CCDC33: variants seen among roughly 807,000 people sequenced by gnomAD.
The protein encoded by CCDC33 is coiled-coil domain containing 33.
CCDC33 carries 94 observed loss-of-function variants against 91.9 expected under a neutral mutation model. That is an observed-to-expected ratio of 1.02 (90% CI 0.87 to 1.21). The LOEUF is 1.21. Ranked by LOEUF, CCDC33 falls within the 50% of genes most tolerant of loss-of-function variation. The probability of loss-of-function intolerance (pLI) is 0.00; values close to 1 mark genes in which losing one functional copy is unlikely to be tolerated. For missense variants in CCDC33, 940 were observed against 935.5 expected (o/e 1.00, Z -0.06); for synonymous variants, 396 against 374.5 (o/e 1.06, Z -0.66).
Position 74,335,044 on chromosome 15 carries a change from A to G in CCDC33, c.2095A>G (p.Lys699Glu), listed in dbSNP as rs750062932. ...GGCCACACGGCTGCAGGAGCAAGAA[A>G]AAGGTTTCAGGCACCCCTCGAACTC... ...DLATRLQEQE[K>E]GFRHPSNSII... is the part of the protein sequence containing the mutation. The change falls in exon 18 of 19, where the codon AAA (lysine) becomes GAA (glutamate). Residue 699 changes from lysine to glutamate, a missense_variant. Coordinates refer to ENST00000398814, the MANE Select transcript of CCDC33 (RefSeq NM_025055.5). The G allele has an allele frequency of 6.2e-5, 100 of 1,613,970 alleles. No individual in the cohort carries two copies. In the South Asian group the frequency reaches 1.1e-3, roughly 18 times the overall value.
Position 74,272,866 on chromosome 15 carries a change from G to T in CCDC33, c.734G>T (p.Arg245Leu), listed in dbSNP as rs191781870. ...IPSMMNFDVPRVSQNGCPQLS... is the reference protein window; with the variant it reads ...IPSMMNFDVPLVSQNGCPQLS... Reference sequence around the variant, plus strand: ...TCCATGATGAACTTTGACGTGCCTCGCGTCAGCCAGAACGGATGCCCTCAG... The same window carrying T: ...TCCATGATGAACTTTGACGTGCCTCTCGTCAGCCAGAACGGATGCCCTCAG... The change falls in exon 7 of 19, where the codon CGC becomes CTC. Residue 245 changes from arginine (R) to leucine (L), a missense_variant. Physicochemically the swap from Arg to Leu is moderately radical, Grantham distance 102. Coordinates refer to ENST00000398814, the MANE Select transcript of CCDC33 (RefSeq NM_025055.5). 1 of 1,614,090 alleles carries T rather than the reference G, an allele frequency of 6.2e-7. No homozygotes were observed. The highest frequency in any genetic ancestry group is 1.3e-5 in the African/African-American group (1 of 74,944).
At chr15:74,272,621 C>G in intron 6 of CCDC33, 150 bp from the exon 7 acceptor site, 1 of 924,792 alleles carries the variant, frequency 1.1e-6, no homozygotes, top group Non-Finnish European at 1.6e-6. Context: ...GCCCAGTGGT[C>G]CCCACTTGTC....
chr15:74,233,347 C>T (rs1474621305), upstream of CCDC33, among the ~76,000 whole-genome samples: 4 of 152,234 alleles, frequency 2.6e-5, no homozygotes, highest in African/African-American at 9.6e-5. Flanking sequence ...GCCACGCACC[C>T]TCGGCCCCAG....
At chr15:74,314,073 G>A (rs940855317) in intron 11 of CCDC33, among the ~76,000 whole-genome samples, 2 of 152,174 alleles carry the variant, frequency 1.3e-5, no homozygotes, top group African/African-American at 4.8e-5. Flanking sequence ...CCTTATGCCT[G>A]TATCACCTGA....
Position 74,218,832 on chromosome 15 carries a change from TGCCCAGAGCCC to T in CCDC33, c.647_657del (p.Cys216SerfsTer9). The T allele has an allele frequency of 2.4e-6, 3 of 1,258,782 alleles. No homozygotes were observed. Among genetic ancestry groups the T allele is most frequent in the Non-Finnish European group, 3.1e-6 (3 of 972,212 alleles). 78.0% of individuals were successfully genotyped at this position (1,258,782 alleles called of 1,614,324 possible). ...TGGCCAGCCAGAACTGATGTCACCA[TGCCCAGAGCCC>T]CAGCTCCCCATACTGCAGGTGGGTG... On this transcript the variant is annotated frameshift_variant, in exon 2 of 3. Coordinates refer to the CCDC33 transcript ENST00000635913. LOFTEE classifies it low-confidence loss of function (END_TRUNC). The surrounding 1 kb of genome is among the most constrained non-coding windows in gnomAD (Gnocchi z 4.8).
chr15:74,280,545 C>T, intron 8 of CCDC33, 123 bp from the exon 9 acceptor site: 1 of 1,118,092 alleles, frequency 8.9e-7, no homozygotes, highest in Non-Finnish European at 1.2e-6. Context: ...GATGTATGTG[C>T]AGGGAAAGGC....
Position 74,262,682 on chromosome 15 carries a change from C to T in CCDC33, c.319+109C>T. 5 of 1,225,694 alleles carry T rather than the reference C, an allele frequency of 4.1e-6. No homozygotes were observed. The South Asian group carries it at 6.1e-5, about 15-fold the overall frequency. The allele number at this position is 1,225,694 out of a possible 1,614,324, so 75.9% of individuals were successfully genotyped here. On this transcript the variant is annotated intron_variant, in intron 3 of 18. Coordinates refer to ENST00000398814, the MANE Select transcript of CCDC33 (RefSeq NM_025055.5). ...TCACTGCAGCTGGTAGCCACCTGAA[C>T]ACCTCCTTGGGCTCAGTTAAAAGCA...
chr15:74,292,736 G>T (rs573216066), intron 10 of CCDC33, among the ~76,000 whole-genome samples: 1 of 152,310 alleles, frequency 6.6e-6, no homozygotes, highest in East Asian at 1.9e-4. Context: ...CCTGGCCAGG[G>T]CCAGCCCCAG....
At chr15:74,333,242 G>A (rs753984583) in intron 16 of CCDC33, 13 of 1,599,558 alleles carry the variant, frequency 8.1e-6, no homozygotes, top group Non-Finnish European at 1.0e-5. Context: ...GGAGTTGGGA[G>A]CAGGAGGAGA....
intron 2 of CCDC33, among the ~76,000 whole-genome samples, chr15:74,226,695 G>A (rs985036529): frequency 6.6e-6 from 1 of 152,128 alleles, no homozygotes. Context: ...CGTCGTGGTG[G>A]CATGTGCCTG....
At position 74,244,619 on chromosome 15, in the gene CCDC33, C is replaced by T. The variant is rs114385073; in HGVS notation, c.185+471C>T. ...TCCAGTCACTTCTATTATGGGGACT[C>T]CCCTAGTTCTGGGCCTTTAATGCAC... On this transcript the variant is annotated intron_variant, in intron 2 of 18. Coordinates refer to ENST00000398814, the MANE Select transcript of CCDC33 (RefSeq NM_025055.5). This position sits in a 1 kb window ranked among gnomAD's most constrained non-coding sequence, Gnocchi z 4.2. Among the ~76,000 whole-genome samples, 960 of 152,072 alleles carry T rather than the reference C, an allele frequency of 6.3e-3. 9 individuals carry two copies. Among genetic ancestry groups the T allele is most frequent in the African/African-American group, 0.021 (868 of 41,470 alleles).
chr15:74,279,178 A>G (rs2076525340), intron 7 of CCDC33, among the ~76,000 whole-genome samples: 1 of 152,248 alleles, frequency 6.6e-6, no homozygotes, highest in Non-Finnish European at 1.5e-5. Flanking sequence ...AATTTGCGAC[A>G]TGAAGATATG....
At chr15:74,286,162 C>T (rs1945157221) in intron 10 of CCDC33, among the ~76,000 whole-genome samples, 1 of 152,178 alleles carries the variant, frequency 6.6e-6, no homozygotes, top group Non-Finnish European at 1.5e-5. Flanking sequence ...AGGAGAATAA[C>T]TTGAACCTGG....
intron 10 of CCDC33, among the ~76,000 whole-genome samples, chr15:74,284,957 GGGTCCAGAAGCCACCACCTGACACCTGGA>G (rs1388165072): frequency 6.6e-6 from 1 of 152,252 alleles, no homozygotes; most frequent in Non-Finnish European, 1.5e-5. Context: ...ATTGCATAAT[GGGTCCAGAAGCCACCACCTGACACCTGGA>G]GGTCTTAGAG....
At chr15:74,225,117 C>CGTGTGTGTGTGTGTGTGTGTGT (rs3057568) in intron 2 of CCDC33, among the ~76,000 whole-genome samples, 20 of 139,940 alleles carry the variant, frequency 1.4e-4, no homozygotes, top group African/African-American at 5.5e-4. Context: ...CTCCTGGAGG[C>CGTGTGTGTGTGTGTGTGTGTGT]GTGTGTGTGT....
intron 11 of CCDC33, among the ~76,000 whole-genome samples, chr15:74,313,200 G>A (rs1811204253): frequency 6.6e-6 from 1 of 152,128 alleles, no homozygotes; most frequent in South Asian, 2.1e-4. Context: ...AGTGGGGTGG[G>A]TCATGGCCTG....
intron 1 of CCDC33, chr15:74,203,134 G>A: frequency 6.1e-6 from 6 of 985,596 alleles, no homozygotes; most frequent in Non-Finnish European, 7.2e-6. Context: ...TGGGGCGGAG[G>A]CAGGGAAGGG....
chr15:74,211,672 G>A (rs2074370311), intron 2 of CCDC33, among the ~76,000 whole-genome samples: 1 of 152,056 alleles, frequency 6.6e-6, no homozygotes, highest in East Asian at 1.9e-4. Flanking sequence ...CCAAAGTGCT[G>A]GGATTACAGG....
intron 11 of CCDC33, among the ~76,000 whole-genome samples, chr15:74,310,709 G>T (rs749835567): frequency 1.3e-5 from 2 of 152,168 alleles, no homozygotes; most frequent in African/African-American, 2.4e-5. Flanking sequence ...TCTGGGCCCT[G>T]GATTTCCATT....
Sources: gnomAD v4.1 joint callset for allele counts (sites outside exome capture counted in the v4.1 genomes callset) on GRCh38, gnomAD v4.1.1 for gene constraint, Gnocchi (gnomAD v3.1) non-coding constraint, MANE v1.5 for transcripts, NCBI Gene and HGNC (gene_info 2026-07-23, HGNC 2026-07-21) for gene names.